ARID1B: variants seen among roughly 807,000 people sequenced by gnomAD.
The protein encoded by ARID1B is AT-rich interaction domain 1B.
In ARID1B, 30 loss-of-function variants were observed where a neutral mutation model predicts 212.3. The observed-to-expected ratio is 0.14, with a 90% confidence interval of 0.11 to 0.19. The LOEUF is 0.19. ARID1B is among the 10% of genes least tolerant of loss of function. ARID1B has a pLI of 1.00. For missense variants in ARID1B, 2,891 were observed against 3,204.0 expected, an observed-to-expected ratio of 0.90 and a Z score of 2.36; for synonymous variants, 1,402 against 1,301.7, an observed-to-expected ratio of 1.08 and a Z score of -1.66.
In ARID1B at chr6:157,104,095, A is replaced by G. The variant is rs139842574; in HGVS notation, c.2492-6377A>G. Among the ~76,000 whole-genome samples the G allele has an allele frequency of 3.2e-3, 482 of 152,256 alleles. 11 individuals carry two copies. In the East Asian group the frequency reaches 0.078, roughly 25 times the overall value. ...CGTGATCCACCCGCCTTGGCCTCCC[A>G]AAGTGCTGGGATTATAGGCGTAAGC... is the stretch of plus-strand genomic sequence containing the variant. On this transcript the variant is annotated intron_variant, in intron 5 of 19. Transcript: ENST00000636930.
chr6:157,105,320 GACA>G lies in ARID1B; in HGVS notation c.2492-5148_2492-5146del, dbSNP rs561205004. Among the ~76,000 whole-genome samples the G allele has an allele frequency of 1.7e-3, 258 of 151,978 alleles. 1 individual carries two copies. Among genetic ancestry groups the G allele is most frequent in the African/African-American group, 6.0e-3 (249 of 41,448 alleles). ...AATAAAAATAAAGACTGATAAATTT[GACA>G]ACATTAAAAAAAATTTCCGCTACAA... On this transcript the variant is annotated intron_variant, in intron 5 of 19. Coordinates refer to ENST00000636930, the MANE Select transcript of ARID1B (RefSeq NM_001374828.1).
chr6:156,839,241 T>G (rs1783725472), intron 2 of ARID1B, among the ~76,000 whole-genome samples: 1 of 152,152 alleles, frequency 6.6e-6, no homozygotes, highest in African/African-American at 2.4e-5. Context: ...GGCTGAGAAG[T>G]TCAAAGGCAT....
rs145698868 is a variant in ARID1B, at chr6:157,159,858, A to G, written c.3090-7182A>G. Reference sequence around the variant, plus strand: ...CTAAGGCATAGCCACTGAAAATATTATTCTTGAGAGTATGGTGACAAAGTT... The same window carrying G: ...CTAAGGCATAGCCACTGAAAATATTGTTCTTGAGAGTATGGTGACAAAGTT... On this transcript the variant is annotated intron_variant, in intron 8 of 19. Coordinates refer to ENST00000636930, the MANE Select transcript of ARID1B (RefSeq NM_001374828.1). Among the ~76,000 whole-genome samples, 954 of 152,364 alleles carry G rather than the reference A, an allele frequency of 6.3e-3. 12 individuals are homozygous for G. Among genetic ancestry groups the G allele is most frequent in the African/African-American group, 0.022 (915 of 41,582 alleles).
chr6:157,016,856 A>G (rs1743950869), intron 4 of ARID1B, among the ~76,000 whole-genome samples: 1 of 152,216 alleles, frequency 6.6e-6, no homozygotes, highest in Non-Finnish European at 1.5e-5. Flanking sequence ...ATTTATATCA[A>G]TTGGCCCATG....
intron 2 of ARID1B, among the ~76,000 whole-genome samples, chr6:156,835,784 CG>C (rs1430663524): frequency 6.6e-6 from 1 of 152,010 alleles, no homozygotes; most frequent in African/African-American, 2.4e-5. Context: ...CTCTGTTGCC[CG>C]GGCTGGAGTG....
chr6:156,790,398 T>C (rs1309871563), intron 1 of ARID1B, among the ~76,000 whole-genome samples: 1 of 152,206 alleles, frequency 6.6e-6, no homozygotes, highest in African/African-American at 2.4e-5. Context: ...TTAATTAAGA[T>C]AGTTTGTGGG....
At chr6:157,043,490 A>C (rs980174120) in intron 4 of ARID1B, among the ~76,000 whole-genome samples, 6 of 152,084 alleles carry the variant, frequency 3.9e-5, no homozygotes, top group Non-Finnish European at 7.4e-5. Context: ...GCCCAATTCT[A>C]TTACGTGGCA....
rs1347187232 is a variant in ARID1B, at chr6:156,778,389, A to G, written c.709A>G (p.Met237Val). ...CGGCGCGCCTCAGCCCGGCCCCGAC[A>G]TGGAGCAGCCGCAACATGGAGGCGC... ...GGGAPQPGPD[M>V]EQPQHGGAKD... The change falls in exon 1 of 20, where the codon ATG becomes GTG. Residue 237 changes from methionine to valine, a missense_variant. Met to Val is a conservative substitution (Grantham distance 21). Coordinates refer to ENST00000636930, the MANE Select transcript of ARID1B (RefSeq NM_001374828.1). The G allele has an allele frequency of 1.3e-6, 2 of 1,533,486 alleles. No homozygotes were observed. Among genetic ancestry groups the G allele is most frequent in the Non-Finnish European group, 1.7e-6 (2 of 1,144,694 alleles). The allele number at this position is 1,533,486 out of a possible 1,614,324, so 95.0% of individuals were successfully genotyped here.
At chr6:156,789,649 G>A (rs552055509) in intron 1 of ARID1B, among the ~76,000 whole-genome samples, 3 of 152,340 alleles carry the variant, frequency 2.0e-5, no homozygotes, top group African/African-American at 7.2e-5. Flanking sequence ...CTAAGACTTG[G>A]TTAATGAGAA....
chr6:156,806,851 C>A (rs1008468756), intron 1 of ARID1B, among the ~76,000 whole-genome samples: 1 of 152,182 alleles, frequency 6.6e-6, no homozygotes, highest in African/African-American at 2.4e-5. Context: ...TACTCAGCTC[C>A]GCTGAGGCAG....
chr6:156,831,911 T>G (rs1562419726), intron 2 of ARID1B, among the ~76,000 whole-genome samples: 1 of 152,226 alleles, frequency 6.6e-6, no homozygotes, highest in South Asian at 2.1e-4. Flanking sequence ...GCTGCAGAAG[T>G]GTGGAAACTT....
Position 157,190,002 on chromosome 6 carries a change from T to C in ARID1B, c.4059-36T>C. The C allele has an allele frequency of 6.2e-7, 1 of 1,608,730 alleles. No homozygotes were observed. The highest frequency in any genetic ancestry group is 8.5e-7 in the Non-Finnish European group (1 of 1,177,092). ...TGTACTGTTTGGAGGTAACTCCTGC[T>C]GTATCATTAAGCTTTCATTCTTTGC... On this transcript the variant is annotated intron_variant, in intron 14 of 19. Coordinates refer to ENST00000636930, the MANE Select transcript of ARID1B (RefSeq NM_001374828.1). This position sits in a 1 kb window ranked among gnomAD's most constrained non-coding sequence, Gnocchi z 4.6.
intron 4 of ARID1B, among the ~76,000 whole-genome samples, chr6:156,962,470 G>A (rs1047301055): frequency 6.6e-6 from 1 of 152,062 alleles, no homozygotes; most frequent in African/African-American, 2.4e-5. Context: ...CTTTTGGGGC[G>A]TGGTGGGGAC....
At chr6:156,898,135 C>G (rs149320012) in intron 2 of ARID1B, among the ~76,000 whole-genome samples, 1,698 of 152,238 alleles carry the variant, frequency 0.011, 12 homozygotes, top group Middle Eastern at 0.017. Context: ...TACCAGTGCT[C>G]TATGTCTCCA....
At chr6:157,167,230 C>T (rs372830474) in intron 9 of ARID1B, 45 bp downstream of exon 9, 1 of 1,580,116 alleles carries the variant, frequency 6.3e-7, no homozygotes, top group African/African-American at 1.3e-5. Context: ...TCTCTCCCCT[C>T]TCCTCCTCTT....
At chr6:156,932,145 A>AG (rs61152353) in intron 3 of ARID1B, among the ~76,000 whole-genome samples, 7,155 of 61,012 alleles carry the variant, frequency 0.12, 490 homozygotes, top group East Asian at 0.32. Context: ...AAAAAAAAAA[A>AG]GGGGGGGGGC....
At chr6:156,787,725 G>A (rs1285050884) in intron 1 of ARID1B, among the ~76,000 whole-genome samples, 3 of 152,104 alleles carry the variant, frequency 2.0e-5, no homozygotes, top group South Asian at 2.1e-4. Context: ...ACATAATTCC[G>A]AGGGGACTGG....
intron 5 of ARID1B, among the ~76,000 whole-genome samples, chr6:157,088,190 G>C (rs929098749): frequency 6.6e-6 from 1 of 152,198 alleles, no homozygotes; most frequent in Non-Finnish European, 1.5e-5. Flanking sequence ...AATGGGAGTT[G>C]ACATCTACCT....
intron 4 of ARID1B, among the ~76,000 whole-genome samples, chr6:156,990,514 G>A (rs1216844047): frequency 2.6e-5 from 4 of 151,972 alleles, no homozygotes; most frequent in African/African-American, 9.7e-5. Context: ...GGTATCATGC[G>A]CCTGTAATCC....
Sources: gnomAD v4.1 joint callset for allele counts (sites outside exome capture counted in the v4.1 genomes callset) on GRCh38, gnomAD v4.1.1 for gene constraint, Gnocchi (gnomAD v3.1) non-coding constraint, MANE v1.5 for transcripts, NCBI Gene and HGNC (gene_info 2026-07-23, HGNC 2026-07-21) for gene names.